Variants in IDE observed in about 807,000 individuals in gnomAD.
IDE encodes insulin-degrading enzyme.
Under a neutral mutation model 133.2 loss-of-function variants are expected in IDE, and 58 were observed. The ratio of observed to expected loss-of-function variants is 0.44; its 90% CI spans 0.35 to 0.54. The LOEUF is 0.54. Ranked by LOEUF, IDE falls within the 20% of genes least tolerant of loss-of-function variation. The pLI is 0.00. For synonymous variants in IDE, 396 were observed against 421.3 expected, an observed-to-expected ratio of 0.94 and a Z score of 0.73; for missense variants, 981 against 1,234.0, an observed-to-expected ratio of 0.79 and a Z score of 3.07.
At chr10:92,566,144 C>T (rs749712951) in intron 1 of IDE, among the ~76,000 whole-genome samples, 13 of 150,852 alleles carry the variant, frequency 8.6e-5, no homozygotes, top group Non-Finnish European at 1.5e-4. Flanking sequence ...CTGCTTGAAC[C>T]GAGGAGTTTA....
At chr10:92,471,929 C>T (rs1355576587) in intron 17 of IDE, among the ~76,000 whole-genome samples, 1 of 152,090 alleles carries the variant, frequency 6.6e-6, no homozygotes, top group Non-Finnish European at 1.5e-5. Flanking sequence ...TAATCTCAAG[C>T]ACCTGCAGTC....
intron 21 of IDE, among the ~76,000 whole-genome samples, chr10:92,462,976 C>A (rs548445643): frequency 1.3e-5 from 2 of 152,180 alleles, no homozygotes; most frequent in South Asian, 4.1e-4. Context: ...GCAGGAGAAT[C>A]GCTTGAGCCT....
intron 1 of IDE, among the ~76,000 whole-genome samples, chr10:92,556,672 C>T (rs1483399705): frequency 2.6e-5 from 4 of 151,892 alleles, no homozygotes; most frequent in African/African-American, 9.7e-5. Context: ...GCAGGAGAAT[C>T]GCTTGGACCC....
chr10:92,563,265 C>A (rs4933729), intron 1 of IDE, among the ~76,000 whole-genome samples: 103,560 of 138,148 alleles, frequency 0.75, 36,490 homozygotes, highest in East Asian at 0.88. Context: ...GGGGAAAAAA[C>A]CATGGTGAAA....
intron 1 of IDE, among the ~76,000 whole-genome samples, chr10:92,544,315 T>G (rs1842444334): frequency 6.6e-6 from 1 of 152,134 alleles, no homozygotes; most frequent in Non-Finnish European, 1.5e-5. Flanking sequence ...TGTCATAGGC[T>G]TTATAAACTG....
At chr10:92,569,123 A>G (rs1204822985) in intron 1 of IDE, among the ~76,000 whole-genome samples, 1 of 152,234 alleles carries the variant, frequency 6.6e-6, no homozygotes, top group African/African-American at 2.4e-5. Context: ...GCCTAAAAAG[A>G]ATAAAGGATT....
chr10:92,524,410 T>C lies in IDE; in HGVS notation c.661+7338A>G, dbSNP rs1326940725. Among the ~76,000 whole-genome samples, 36 of 87,472 alleles carry C rather than the reference T, an allele frequency of 4.1e-4. 4 individuals carry two copies. Among genetic ancestry groups the C allele is most frequent in the African/African-American group, 1.7e-3 (36 of 21,370 alleles). 57.4% of individuals were successfully genotyped at this position (87,472 alleles called of 152,430 possible). A position where few individuals can be genotyped will look rare whatever the true frequency, so the allele number is the denominator to read the frequency against. ...TATATTTTATATAATATATAATATATATTATATTATATATAATATATTTTA... is the reference window on the plus strand; with the variant it reads ...TATATTTTATATAATATATAATATACATTATATTATATATAATATATTTTA... On this transcript the variant is annotated intron_variant, in intron 4 of 24. Coordinates refer to ENST00000265986, the MANE Select transcript of IDE (RefSeq NM_004969.4).
intron 4 of IDE, among the ~76,000 whole-genome samples, chr10:92,522,653 T>G (rs961464441): frequency 5.9e-5 from 9 of 152,074 alleles, no homozygotes; most frequent in African/African-American, 2.2e-4. Context: ...CACTAAAACA[T>G]GCAAAATAGA....
chr10:92,518,427 TAA>T (rs1341365179), intron 4 of IDE, among the ~76,000 whole-genome samples: 2 of 152,212 alleles, frequency 1.3e-5, no homozygotes, highest in African/African-American at 4.8e-5. Flanking sequence ...ACAAAAATGT[TAA>T]AGTCTTACGA....
chr10:92,557,874 C>CAA (rs3051565), intron 1 of IDE, among the ~76,000 whole-genome samples: 21,327 of 107,958 alleles, frequency 0.2, 2,389 homozygotes, highest in Admixed American at 0.25. Flanking sequence ...GATTCCACCT[C>CAA]AAAAAAAAAA....
At chr10:92,492,997 T>A (rs926446905) in intron 11 of IDE, among the ~76,000 whole-genome samples, 3 of 152,190 alleles carry the variant, frequency 2.0e-5, no homozygotes, top group African/African-American at 7.2e-5. Context: ...GGCCTATCTG[T>A]CACTAACCAC....
chr10:92,548,785 TA>T (rs1347784892), intron 1 of IDE, among the ~76,000 whole-genome samples: 5 of 152,190 alleles, frequency 3.3e-5, no homozygotes, highest in African/African-American at 9.7e-5. Context: ...ATAATTGCTA[TA>T]GATGAGCCAG....
At chr10:92,550,995 G>T (rs1220433551) in intron 1 of IDE, among the ~76,000 whole-genome samples, 1 of 152,216 alleles carries the variant, frequency 6.6e-6, no homozygotes, top group Non-Finnish European at 1.5e-5. Context: ...AAACTGTATG[G>T]CAGTTCCTCA....
At chr10:92,476,027 A>C in intron 15 of IDE, 33 bp from the exon 16 acceptor site, 1 of 876,230 alleles carries the variant, frequency 1.1e-6, no homozygotes, top group Non-Finnish European at 1.8e-6. Context: ...TAAAAGTCTA[A>C]AAATATCACA....
At chr10:92,532,617 GC>G (rs1301289776) in intron 3 of IDE, among the ~76,000 whole-genome samples, 1 of 152,084 alleles carries the variant, frequency 6.6e-6, no homozygotes, top group East Asian at 1.9e-4. Flanking sequence ...TAACCAATAT[GC>G]CTTTCTTGAG....
At chr10:92,558,374 A>G (rs1843114564) in intron 1 of IDE, among the ~76,000 whole-genome samples, 1 of 152,128 alleles carries the variant, frequency 6.6e-6, no homozygotes, top group African/African-American at 2.4e-5. Context: ...ATCTTAAAAG[A>G]AAACTTAAAT....
intron 1 of IDE, among the ~76,000 whole-genome samples, chr10:92,544,143 G>C (rs1241629013): frequency 2.0e-5 from 3 of 151,144 alleles, no homozygotes; most frequent in Non-Finnish European, 4.4e-5. Context: ...TGAGGCAGGA[G>C]AATCACTTGA....
chr10:92,475,985 T>C lies in IDE; in HGVS notation c.1894A>G (p.Lys632Glu). ...NTIYGMYLSV[K>E]GYNDKQPILL... ...ATTGGCTGCTTGTCATTGTAACCTT[T>C]CACTGAAAGCTACAGAAAGAATTCA... Residue 632 changes from lysine (K) to glutamate (E), a missense_variant, in exon 16 of 25, where the codon AAA becomes GAA. By Grantham distance (56) the Lys-to-Glu change is moderately conservative. Around this residue, in one of 2 missense-constraint regions of IDE, gnomAD observed 660 missense variants for 894.7 expected, o/e 0.74. Coordinates refer to ENST00000265986, the MANE Select transcript of IDE (RefSeq NM_004969.4). 3 of 1,436,966 alleles carry C rather than the reference T, an allele frequency of 2.1e-6. No homozygotes were observed. The highest frequency in any genetic ancestry group is 2.9e-6 in the Non-Finnish European group (3 of 1,036,150). The allele number at this position is 1,436,966 out of a possible 1,614,324, so 89.0% of individuals were successfully genotyped here.
At chr10:92,553,361 T>A (rs1346403136) in intron 1 of IDE, among the ~76,000 whole-genome samples, 1 of 151,462 alleles carries the variant, frequency 6.6e-6, no homozygotes, top group Non-Finnish European at 1.5e-5. Flanking sequence ...GAGGCAGAGG[T>A]TGCAGTGAGC....
Sources: gnomAD v4.1 joint callset for allele counts (sites outside exome capture counted in the v4.1 genomes callset) on GRCh38, gnomAD v4.1.1 for gene constraint, gnomAD v4.1.1 regional missense constraint, MANE v1.5 for transcripts, NCBI Gene and HGNC (gene_info 2026-07-23, HGNC 2026-07-21) for gene names.